The following CSF2RA variants were observed in gnomAD, a reference collection of about 807,000 sequenced individuals.
CSF2RA encodes colony stimulating factor 2 receptor subunit alpha.
In CSF2RA, 42 loss-of-function variants were observed where a neutral mutation model predicts 51.6. The ratio of observed to expected loss-of-function variants is 0.81; its 90% CI spans 0.64 to 1.05. The LOEUF is 1.05. CSF2RA is among the 50% of genes least tolerant of loss of function. CSF2RA has a pLI of 0.00. For missense variants in CSF2RA, 530 were observed against 501.1 expected, an observed-to-expected ratio of 1.06 and a Z score of -0.55; for synonymous variants, 222 against 193.0, an observed-to-expected ratio of 1.15 and a Z score of -1.24.
the CSF2RA span, among the ~76,000 whole-genome samples, chrX:1,320,146 C>T: frequency 3.3e-5 from 5 of 152,080 alleles, no homozygotes; most frequent in Non-Finnish European, 2.9e-5. Context: ...CCACCTGCCT[C>T]GGCCTCCCAA....
At position 1,285,900 on chromosome X, in the gene CSF2RA, A is replaced by G. The variant is rs1261836372; in HGVS notation, c.199A>G (p.Asn67Asp). ...FSKCFLTDKKNRVVEPRLSNN... is the reference protein window; with the variant it reads ...FSKCFLTDKKDRVVEPRLSNN... ...CAAGTGTTTCTTAACTGACAAGAAGAACAGAGTCGTGGAACCCAGGGTGAG... is the reference window on the plus strand; with the variant it reads ...CAAGTGTTTCTTAACTGACAAGAAGGACAGAGTCGTGGAACCCAGGGTGAG... Residue 67 changes from asparagine (N) to aspartate (D), a missense_variant, in exon 4 of 13, where the codon AAC (asparagine) becomes GAC (aspartate). Asn to Asp is a conservative substitution (Grantham distance 23). Coordinates refer to ENST00000381529, the MANE Select transcript of CSF2RA (RefSeq NM_172245.4). The G allele has an allele frequency of 1.2e-6, 2 of 1,613,878 alleles. No homozygotes were observed. Among genetic ancestry groups the G allele is most frequent in the African/African-American group, 1.3e-5 (1 of 75,024 alleles).
intron 10 of CSF2RA, among the ~76,000 whole-genome samples, chrX:1,302,237 A>C (rs1569510302): frequency 6.6e-6 from 1 of 152,122 alleles, no homozygotes; most frequent in Non-Finnish European, 1.5e-5. Context: ...CTTCAAAGCC[A>C]GGTCTCGGCT....
At chrX:1,279,211 C>A (rs183032633) in intron 2 of CSF2RA, among the ~76,000 whole-genome samples, 2,123 of 149,246 alleles carry the variant, frequency 0.014, 31 homozygotes, top group African/African-American at 0.048. Flanking sequence ...ATTAGCCAGG[C>A]GTGTTGGTGC....
At position 1,290,429 on chromosome X, in the gene CSF2RA, G is replaced by A. The variant is rs147180621; in HGVS notation, c.566G>A (p.Arg189His). Residue 189 changes from arginine to histidine, a missense_variant, in exon 7 of 13, where the codon CGC becomes CAC. Coordinates refer to ENST00000381529, the MANE Select transcript of CSF2RA (RefSeq NM_172245.4). ...GATAACCTGTCAGGATTAACGTCTC[G>A]CAATTACTTTCTGGTTAACGGAACC... ...HLDNLSGLTS[R>H]NYFLVNGTSR... is the part of the protein sequence containing the mutation. 244 of 1,613,612 alleles carry A rather than the reference G, an allele frequency of 1.5e-4. No individual in the cohort carries two copies. The highest frequency in any genetic ancestry group is 3.0e-4 in the Admixed American group (18 of 59,932).
chrX:1,288,173 C>G (rs2090983142), intron 4 of CSF2RA, among the ~76,000 whole-genome samples: 1 of 151,672 alleles, frequency 6.6e-6, no homozygotes, highest in African/African-American at 2.4e-5. Flanking sequence ...GTGCGTGTCG[C>G]CAAATCCAGG....
intron 4 of CSF2RA, 33 bp downstream of exon 4, chrX:1,285,953 C>A: frequency 6.2e-7 from 1 of 1,613,584 alleles, no homozygotes. Context: ...AACCCCTGTC[C>A]TTTACACACC....
At chrX:1,310,103 G>C (rs538649058), downstream of CSF2RA, 128 of 300,524 alleles carry the variant, frequency 4.3e-4, 1 homozygote, top group East Asian at 2.6e-3. Context: ...GCTGAGGCGG[G>C]AGGATCACTT....
intron 9 of CSF2RA, among the ~76,000 whole-genome samples, chrX:1,299,616 G>A (rs1413205161): frequency 1.3e-5 from 2 of 149,558 alleles, no homozygotes; most frequent in Non-Finnish European, 3.0e-5. Context: ...AACAATTTCT[G>A]TTTCAGAAAA....
chrX:1,280,990 TCC>T (rs1313367346), intron 2 of CSF2RA, among the ~76,000 whole-genome samples: 131 of 127,294 alleles, frequency 1.0e-3, no homozygotes, highest in Non-Finnish European at 1.9e-3. Flanking sequence ...CTCCTCCTCC[TCC>T]TTCTCCTCCT....
chrX:1,300,213 C>T (rs747873831), intron 9 of CSF2RA: 32 of 325,706 alleles, frequency 9.8e-5, no homozygotes, highest in Middle Eastern at 9.9e-4. Context: ...AGGGAGACTC[C>T]GTCTCAAAAA....
chrX:1,317,341 T>A, the CSF2RA span, among the ~76,000 whole-genome samples: 93 of 125,180 alleles, frequency 7.4e-4, no homozygotes, highest in African/African-American at 2.4e-3. Flanking sequence ...AACCTCCGCC[T>A]CCCGGGTTCC....
At chrX:1,288,736 A>G (rs1368329251) in intron 5 of CSF2RA, 23 bp from the exon 6 acceptor site, 11 of 1,613,666 alleles carry the variant, frequency 6.8e-6, no homozygotes, top group Non-Finnish European at 9.3e-6. Flanking sequence ...AGTGAAAATT[A>G]TTTTGTTTCT....
intron 2 of CSF2RA, among the ~76,000 whole-genome samples, chrX:1,278,093 G>A (rs1702512358): frequency 1.3e-5 from 2 of 149,762 alleles, no homozygotes; most frequent in Admixed American, 1.3e-4. Context: ...CAGCACTTTG[G>A]GAGCCCGAGG....
chrX:1,322,099 A>ATTATTTATTTAT, the CSF2RA span, among the ~76,000 whole-genome samples: 47,541 of 146,372 alleles, frequency 0.32, 7,727 homozygotes, highest in East Asian at 0.48. Flanking sequence ...ATAACATCCT[A>ATTATTTATTTAT]TTATTTATTT....
At chrX:1,307,859 A>G (rs1356127476) in intron 12 of CSF2RA, among the ~76,000 whole-genome samples, 1 of 137,590 alleles carries the variant, frequency 7.3e-6, no homozygotes, top group Non-Finnish European at 1.6e-5. Flanking sequence ...TGATTAGATG[A>G]GGCCTACCCT....
At chrX:1,302,291 G>C (rs1484543465) in intron 10 of CSF2RA, among the ~76,000 whole-genome samples, 1 of 152,008 alleles carries the variant, frequency 6.6e-6, no homozygotes, top group African/African-American at 2.4e-5. Context: ...ATGATTTTGA[G>C]GGCTCCAAAT....
intron 2 of CSF2RA, among the ~76,000 whole-genome samples, chrX:1,280,904 G>GCTCCTCCTCCTCCTCCTC (rs2089865979): frequency 3.3e-4 from 9 of 26,998 alleles, no homozygotes; most frequent in Admixed American, 3.9e-4. Context: ...TCCTCCTCCT[G>GCTCCTCCTCCTCCTCCTC]CTCCTTCTCC....
intron 10 of CSF2RA, among the ~76,000 whole-genome samples, 161 bp from the exon 11 acceptor site, chrX:1,303,762 C>T (rs2083258529): frequency 6.6e-6 from 1 of 152,208 alleles, no homozygotes; most frequent in Non-Finnish European, 1.5e-5. Flanking sequence ...TCAGAGCCAT[C>T]TTAGTTAAGA....
chrX:1,314,235 GCCCAACCCCAC>G (rs2084317721), downstream of CSF2RA, among the ~76,000 whole-genome samples: 1 of 103,834 alleles, frequency 9.6e-6, no homozygotes, highest in Non-Finnish European at 2.4e-5. Flanking sequence ...CACTGCACCT[GCCCAACCCCAC>G]TGCACCTGCC....
Sources: gnomAD v4.1 joint callset for allele counts (sites outside exome capture counted in the v4.1 genomes callset) on GRCh38, gnomAD v4.1.1 for gene constraint, MANE v1.5 for transcripts, NCBI Gene and HGNC (gene_info 2026-07-23, HGNC 2026-07-21) for gene names.